Variants in L3MBTL4 observed in about 807,000 individuals in gnomAD.
L3MBTL4 encodes the protein lethal(3)malignant brain tumor-like protein 4.
In L3MBTL4, 70 loss-of-function variants were observed where a neutral mutation model predicts 84.5. That is an observed-to-expected ratio of 0.83 (90% CI 0.68 to 1.01). The LOEUF is 1.01. Among genes scored for constraint, L3MBTL4 ranks in the 50% least tolerant of loss-of-function variants. The pLI, the probability that L3MBTL4 is intolerant of heterozygous loss-of-function variation, is 0.00. For synonymous variants in L3MBTL4, 274 were observed against 259.8 expected, an observed-to-expected ratio of 1.05 and a Z score of -0.52; for missense variants, 715 against 754.8, an observed-to-expected ratio of 0.95 and a Z score of 0.62.
intron 14 of L3MBTL4, among the ~76,000 whole-genome samples, chr18:6,097,283 A>T (rs1418502514): frequency 6.6e-6 from 1 of 152,270 alleles, no homozygotes; most frequent in Non-Finnish European, 1.5e-5. Flanking sequence ...CTCTTTCTTT[A>T]TAATGGAAGG....
At chr18:6,361,020 TAAAAA>T (rs34239414) in intron 1 of L3MBTL4, among the ~76,000 whole-genome samples, 1 of 110,034 alleles carries the variant, frequency 9.1e-6, no homozygotes, top group African/African-American at 3.2e-5. Flanking sequence ...TCTACCTGAT[TAAAAA>T]AAAAAAAAAA....
intron 4 of L3MBTL4, among the ~76,000 whole-genome samples, chr18:6,286,069 A>T (rs2049569517): frequency 6.6e-6 from 1 of 151,474 alleles, no homozygotes; most frequent in Non-Finnish European, 1.5e-5. Context: ...TGACCTCGTG[A>T]TCCGCCCGCC....
chr18:6,171,844 T>C lies in L3MBTL4; in HGVS notation c.1080A>G (p.Pro360=), dbSNP rs2145202922. ...PIGWCDVTGH[P]LEVPQRTNDL... ...AGTACTCACGCTGTGGCACTTCCAG[T>C]GGATGCCCTGTGACATCACACCATC... Residue 360 remains proline, a synonymous_variant, in exon 13 of 19, where the codon CCA becomes CCG. Coordinates refer to ENST00000317931, the MANE Select transcript of L3MBTL4 (RefSeq NM_001330559.2). The C allele has an allele frequency of 6.5e-7, 1 of 1,547,274 alleles. No homozygotes were observed. Among genetic ancestry groups the C allele is most frequent in the Non-Finnish European group, 8.7e-7 (1 of 1,143,282 alleles).
chr18:6,111,507 T>C (rs115727042), intron 14 of L3MBTL4, among the ~76,000 whole-genome samples: 2,661 of 152,234 alleles, frequency 0.017, 75 homozygotes, highest in African/African-American at 0.061. Context: ...ACTTGCATAT[T>C]GAGGTTCCAT....
intron 8 of L3MBTL4, among the ~76,000 whole-genome samples, chr18:6,240,695 A>G (rs2047414911): frequency 6.6e-6 from 1 of 152,182 alleles, no homozygotes; most frequent in South Asian, 2.1e-4. Context: ...TCACGTTTTA[A>G]TAGCTCCTTT....
At chr18:6,066,659 G>A (rs2057408862) in intron 16 of L3MBTL4, among the ~76,000 whole-genome samples, 1 of 152,068 alleles carries the variant, frequency 6.6e-6, no homozygotes, top group African/African-American at 2.4e-5. Context: ...TCTGTTTTGT[G>A]TGATATAAGA....
At chr18:6,148,579 C>T (rs1008582974) in intron 13 of L3MBTL4, among the ~76,000 whole-genome samples, 1 of 152,064 alleles carries the variant, frequency 6.6e-6, no homozygotes, top group Non-Finnish European at 1.5e-5. Context: ...TTGCACACCA[C>T]CATGCCCAGC....
chr18:6,387,386 C>T (rs1400092616), intron 1 of L3MBTL4, among the ~76,000 whole-genome samples: 2 of 152,086 alleles, frequency 1.3e-5, no homozygotes, highest in African/African-American at 2.4e-5. Flanking sequence ...TATTAACAGA[C>T]TCAGGGGTAA....
intron 16 of L3MBTL4, among the ~76,000 whole-genome samples, chr18:6,020,796 G>A (rs987313478): frequency 4.6e-5 from 7 of 152,174 alleles, no homozygotes; most frequent in African/African-American, 1.7e-4. Context: ...AGGCTTGGAA[G>A]ATAGGATAAT....
At chr18:5,968,405 A>G (rs1334249588) in intron 17 of L3MBTL4, among the ~76,000 whole-genome samples, 1 of 152,166 alleles carries the variant, frequency 6.6e-6, no homozygotes, top group African/African-American at 2.4e-5. Flanking sequence ...CTTATTAATA[A>G]CCAATATTGA....
chr18:6,381,135 G>A (rs2054579180), intron 1 of L3MBTL4, among the ~76,000 whole-genome samples: 1 of 152,108 alleles, frequency 6.6e-6, no homozygotes, highest in Non-Finnish European at 1.5e-5. Flanking sequence ...GATTAGGATT[G>A]CAACTCCTGC....
chr18:6,348,689 TA>T (rs1214276506), intron 1 of L3MBTL4, among the ~76,000 whole-genome samples: 4 of 151,846 alleles, frequency 2.6e-5, no homozygotes, highest in African/African-American at 9.7e-5. Context: ...AACCAAAAAA[TA>T]AAAAAGTATA....
intron 12 of L3MBTL4, among the ~76,000 whole-genome samples, chr18:6,212,681 C>T (rs983296020): frequency 4.0e-5 from 6 of 151,884 alleles, no homozygotes; most frequent in Admixed American, 6.6e-5. Context: ...TGATTTCAAG[C>T]GAAATAGAAT....
At chr18:6,278,024 C>T (rs1261400688) in intron 4 of L3MBTL4, among the ~76,000 whole-genome samples, 1 of 151,990 alleles carries the variant, frequency 6.6e-6, no homozygotes, top group African/African-American at 2.4e-5. Context: ...AAATACATAT[C>T]TATGTATATA....
chr18:6,036,552 C>A (rs2056150101), intron 16 of L3MBTL4, among the ~76,000 whole-genome samples: 1 of 152,152 alleles, frequency 6.6e-6, no homozygotes, highest in Non-Finnish European at 1.5e-5. Flanking sequence ...CTACTTTGAA[C>A]ATCTTGAAGA....
At chr18:6,275,803 T>G (rs1376792472) in intron 4 of L3MBTL4, among the ~76,000 whole-genome samples, 1 of 152,036 alleles carries the variant, frequency 6.6e-6, no homozygotes, top group East Asian at 1.9e-4. Context: ...CCAAGCGAGG[T>G]GCTCATTGGT....
At chr18:5,983,811 G>A (rs974404279) in intron 16 of L3MBTL4, among the ~76,000 whole-genome samples, 1 of 152,140 alleles carries the variant, frequency 6.6e-6, no homozygotes, top group Non-Finnish European at 1.5e-5. Context: ...TGATTTTTCA[G>A]TCTTTCTGTA....
chr18:6,064,580 G>A (rs1052765603), intron 16 of L3MBTL4, among the ~76,000 whole-genome samples: 1 of 140,660 alleles, frequency 7.1e-6, no homozygotes, highest in African/African-American at 2.7e-5. Flanking sequence ...TCACCTCCTT[G>A]ATTAAGTATA....
chr18:6,187,405 C>G (rs956098922), intron 12 of L3MBTL4, among the ~76,000 whole-genome samples: 4 of 152,222 alleles, frequency 2.6e-5, no homozygotes, highest in Non-Finnish European at 5.9e-5. Flanking sequence ...AATCTTGGCT[C>G]TATTTCAACA....
Sources: gnomAD v4.1 joint callset for allele counts (sites outside exome capture counted in the v4.1 genomes callset) on GRCh38, gnomAD v4.1.1 for gene constraint, MANE v1.5 for transcripts, NCBI Gene and HGNC (gene_info 2026-07-23, HGNC 2026-07-21) for gene names.